The following ROBO2 variants were observed in gnomAD, a reference collection of about 807,000 sequenced individuals.
ROBO2 encodes the protein roundabout guidance receptor 2.
ROBO2 carries 53 observed loss-of-function variants against 160.8 expected under a neutral mutation model. That is an observed-to-expected ratio of 0.33 (90% CI 0.26 to 0.41). The LOEUF is 0.41. ROBO2 is among the 10% of genes least tolerant of loss of function. ROBO2 has a pLI of 1.00. For missense variants in ROBO2, 1,577 were observed against 1,722.4 expected (o/e 0.92, Z 1.49); for synonymous variants, 664 against 611.7 (o/e 1.09, Z -1.26).
chr3:77,327,323 A>T (rs1255914601), intron 2 of ROBO2, among the ~76,000 whole-genome samples: 1 of 152,124 alleles, frequency 6.6e-6, no homozygotes, highest in East Asian at 1.9e-4. Context: ...TATTTCGTTC[A>T]CAGTGTATGT....
chr3:76,004,491 A>C (rs1174566476), intron 2 of ROBO2, among the ~76,000 whole-genome samples: 1 of 152,178 alleles, frequency 6.6e-6, no homozygotes, highest in African/African-American at 2.4e-5. Context: ...TATTTTTCAC[A>C]GTTTTGGAGA....
At chr3:77,338,217 A>G (rs1276831984) in intron 2 of ROBO2, among the ~76,000 whole-genome samples, 1 of 152,164 alleles carries the variant, frequency 6.6e-6, no homozygotes, top group African/African-American at 2.4e-5. Flanking sequence ...TTGTTTGGAG[A>G]TAGTATTTTA....
intron 2 of ROBO2, among the ~76,000 whole-genome samples, chr3:76,115,160 TA>T (rs1342680615): frequency 6.6e-6 from 1 of 152,132 alleles, no homozygotes; most frequent in Non-Finnish European, 1.5e-5. Context: ...TGAACTAAGA[TA>T]CCTTCTCAGA....
chr3:77,336,413 A>G (rs1021178853), intron 2 of ROBO2, among the ~76,000 whole-genome samples: 2 of 147,418 alleles, frequency 1.4e-5, no homozygotes, highest in African/African-American at 4.9e-5. Context: ...TCCCTTTGGA[A>G]CTTCCTTATT....
At chr3:76,349,322 A>G (rs903010876) in intron 2 of ROBO2, among the ~76,000 whole-genome samples, 2 of 152,132 alleles carry the variant, frequency 1.3e-5, no homozygotes, top group African/African-American at 4.8e-5. Flanking sequence ...TGTAATAAAT[A>G]ATACTAATAG....
At chr3:77,641,921 G>A (rs925546996) in intron 24 of ROBO2, among the ~76,000 whole-genome samples, 1 of 152,074 alleles carries the variant, frequency 6.6e-6, no homozygotes, top group Admixed American at 6.6e-5. Context: ...GAGCTTTTCT[G>A]AAAAATTATC....
intron 2 of ROBO2, among the ~76,000 whole-genome samples, chr3:77,249,551 A>G (rs2090115835): frequency 1.3e-5 from 2 of 152,136 alleles, no homozygotes; most frequent in South Asian, 4.1e-4. Flanking sequence ...TGCAAGAGAT[A>G]ATTAGTTTCA....
At chr3:76,229,278 A>G (rs1224160029) in intron 2 of ROBO2, among the ~76,000 whole-genome samples, 1 of 152,088 alleles carries the variant, frequency 6.6e-6, no homozygotes, top group Non-Finnish European at 1.5e-5. Context: ...ATTATTTGCA[A>G]TATTTTATTG....
At chr3:76,229,865 G>A (rs1160100101) in intron 2 of ROBO2, among the ~76,000 whole-genome samples, 1 of 152,142 alleles carries the variant, frequency 6.6e-6, no homozygotes, top group Non-Finnish European at 1.5e-5. Flanking sequence ...TCATGAAAAT[G>A]AATGTAATGG....
chr3:77,001,210 A>G (rs1419338886), intron 2 of ROBO2, among the ~76,000 whole-genome samples: 1 of 152,198 alleles, frequency 6.6e-6, no homozygotes, highest in East Asian at 1.9e-4. Flanking sequence ...CAGAGCTATT[A>G]CTTTAAAGCA....
chr3:77,121,736 A>G (rs1411003566), intron 2 of ROBO2, among the ~76,000 whole-genome samples: 3 of 152,074 alleles, frequency 2.0e-5, no homozygotes, highest in African/African-American at 7.2e-5. Context: ...GATGATTAAG[A>G]TCTCATCAGG....
chr3:76,244,562 A>T (rs1235172891), intron 2 of ROBO2, among the ~76,000 whole-genome samples: 1 of 152,210 alleles, frequency 6.6e-6, no homozygotes, highest in Non-Finnish European at 1.5e-5. Flanking sequence ...ATAAAAACAC[A>T]AACTGCTATT....
rs116366040 is a variant in ROBO2 at position 77,017,053 on chromosome 3, C to T, written c.110-80961C>T. Among the ~76,000 whole-genome samples, 1,170 of 152,248 alleles carry T rather than the reference C, an allele frequency of 7.7e-3. 15 individuals are homozygous for T. Among genetic ancestry groups the T allele is most frequent in the African/African-American group, 0.026 (1,071 of 41,538 alleles). ...TCAGCTGTCAATCTAACTTAATATA[C>T]TACAGCTCATATGCAAAATAATCTT... On this transcript the variant is annotated intron_variant, in intron 2 of 26. Transcript: ENST00000487694.
intron 2 of ROBO2, among the ~76,000 whole-genome samples, chr3:77,312,089 A>G (rs2063591894): frequency 6.6e-6 from 1 of 152,204 alleles, no homozygotes; most frequent in Non-Finnish European, 1.5e-5. Flanking sequence ...ACATCTCAAA[A>G]AAGAAAAAAA....
At chr3:76,560,477 A>C (rs1008933378) in intron 2 of ROBO2, among the ~76,000 whole-genome samples, 3 of 152,006 alleles carry the variant, frequency 2.0e-5, no homozygotes, top group African/African-American at 7.2e-5. Flanking sequence ...GCAGCTCAGC[A>C]CAGTGTCTGA....
chr3:76,474,997 T>G (rs1337970885), intron 2 of ROBO2, among the ~76,000 whole-genome samples: 2 of 151,714 alleles, frequency 1.3e-5, no homozygotes, highest in Admixed American at 1.3e-4. Context: ...ACTTCCATCG[T>G]CAGCCTAAAC....
intron 2 of ROBO2, among the ~76,000 whole-genome samples, chr3:76,706,918 G>A (rs2093174679): frequency 6.6e-6 from 1 of 152,000 alleles, no homozygotes; most frequent in African/African-American, 2.4e-5. Context: ...TTAATTATTA[G>A]AGGTAGGAAC....
At chr3:76,069,012 A>T (rs1016316682) in intron 2 of ROBO2, among the ~76,000 whole-genome samples, 1 of 148,290 alleles carries the variant, frequency 6.7e-6, no homozygotes, top group African/African-American at 2.4e-5. Flanking sequence ...AGAAGGGATG[A>T]TTCTGGCATT....
chr3:76,489,719 T>C (rs2079709412), intron 2 of ROBO2, among the ~76,000 whole-genome samples: 1 of 152,124 alleles, frequency 6.6e-6, no homozygotes, highest in Non-Finnish European at 1.5e-5. Flanking sequence ...TTTACATATG[T>C]AAATCTAGGT....
Sources: gnomAD v4.1 joint callset for allele counts (sites outside exome capture counted in the v4.1 genomes callset) on GRCh38, gnomAD v4.1.1 for gene constraint, MANE v1.5 for transcripts, NCBI Gene and HGNC (gene_info 2026-07-23, HGNC 2026-07-21) for gene names.